Variants in SPAM1 observed in about 807,000 individuals in gnomAD.
SPAM1 encodes sperm adhesion molecule 1.
A neutral mutation model predicts 29.6 loss-of-function variants in SPAM1; 22 were observed. The observed-to-expected ratio is 0.74, with a 90% CI of 0.53 to 1.06. The LOEUF (loss-of-function observed/expected upper bound fraction) is 1.06, where lower values mean the gene tolerates loss of function less well. Among genes scored for constraint, SPAM1 ranks in the 50% least tolerant of loss-of-function variants. The pLI, the probability that SPAM1 is intolerant of heterozygous loss-of-function variation, is 0.00. For synonymous variants in SPAM1, 194 were observed against 204.6 expected (o/e 0.95, Z 0.44); for missense variants, 534 against 604.0 (o/e 0.88, Z 1.21).
chr7:123,965,908 A>G (rs571417918), intron 5 of SPAM1, among the ~76,000 whole-genome samples: 1 of 152,066 alleles, frequency 6.6e-6, no homozygotes, highest in African/African-American at 2.4e-5. Context: ...GGCCATTTTA[A>G]CAATATTGAC....
At chr7:123,942,503 A>C (rs1350387934) in intron 1 of SPAM1, among the ~76,000 whole-genome samples, 1 of 152,244 alleles carries the variant, frequency 6.6e-6, no homozygotes, top group African/African-American at 2.4e-5. Flanking sequence ...GTCTTATTAT[A>C]CTTGGCCATA....
At chr7:123,961,950 G>A (rs1169477743), downstream of SPAM1, among the ~76,000 whole-genome samples, 1 of 151,860 alleles carries the variant, frequency 6.6e-6, no homozygotes, top group East Asian at 2.0e-4. Flanking sequence ...ACAGTAGGGG[G>A]GAAATCTGTC....
chr7:123,959,840 T>C lies in SPAM1; in HGVS notation c.1401T>C (p.Ala467=), dbSNP rs1285856622. The part of the protein sequence containing the change: ...VCIADGVCID[A]FLKPPMETEE... ...TTGCTGATGGTGTCTGTATAGATGCTTTTCTAAAACCTCCCATGGAGACAG... is the reference window on the plus strand; with the variant it reads ...TTGCTGATGGTGTCTGTATAGATGCCTTTCTAAAACCTCCCATGGAGACAG... Residue 467 remains alanine, a synonymous_variant, in exon 5 of 5, where the codon GCT becomes GCC. Coordinates refer to ENST00000682466, the MANE Select transcript of SPAM1 (RefSeq NM_153189.3). The C allele has an allele frequency of 6.2e-7, 1 of 1,613,236 alleles. No individual in the cohort carries two copies. The highest frequency in any genetic ancestry group is 8.5e-7 in the Non-Finnish European group (1 of 1,179,530).
chr7:123,946,567 T>C (rs1280073520), intron 1 of SPAM1, among the ~76,000 whole-genome samples: 1 of 152,054 alleles, frequency 6.6e-6, no homozygotes, highest in Non-Finnish European at 1.5e-5. Context: ...CTCAAGTAGG[T>C]TAGGGTACAG....
chr7:123,926,449 C>T (rs1189581894), intron 1 of SPAM1, among the ~76,000 whole-genome samples: 2 of 151,932 alleles, frequency 1.3e-5, no homozygotes, highest in Non-Finnish European at 2.9e-5. Flanking sequence ...TTTGGTTTAC[C>T]AGAAATATAG....
intron 1 of SPAM1, among the ~76,000 whole-genome samples, chr7:123,947,102 T>A (rs2117048016): frequency 6.6e-6 from 1 of 152,350 alleles, no homozygotes; most frequent in Non-Finnish European, 1.5e-5. Context: ...GTTTTATCAT[T>A]TTGAAAATGT....
chr7:123,947,125 G>A (rs1223302825), intron 1 of SPAM1, among the ~76,000 whole-genome samples: 2 of 151,936 alleles, frequency 1.3e-5, no homozygotes, highest in African/African-American at 4.8e-5. Context: ...ATTTTAATTT[G>A]TTTTGTTAAT....
At chr7:123,954,572 T>C in intron 3 of SPAM1, 48 bp downstream of exon 3, 1 of 1,249,232 alleles carries the variant, frequency 8.0e-7, no homozygotes. Flanking sequence ...TCACAAAAGA[T>C]GTTGATTGAA....
rs1792475744 is a variant in SPAM1 at position 123,969,914 on chromosome 7, G to C, written c.1486-284G>C. On this transcript the variant is annotated intron_variant, in intron 5 of 6. Transcript: ENST00000340011. ...GTATATCTAATAGCTTTGATGTATG[G>C]TGAAGGCACTGAAAACTTGGAACCT... 2.6e-5 allele frequency among the ~76,000 whole-genome samples: 4 copies of C among 152,102 alleles called. No individual in the cohort carries two copies. In the South Asian group the frequency reaches 6.2e-4, roughly 24 times the overall value.
At chr7:123,960,090 A>T, downstream of SPAM1, 2 of 1,373,356 alleles carry the variant, frequency 1.5e-6, no homozygotes, top group Non-Finnish European at 1.9e-6. Flanking sequence ...CTTTCTGAAT[A>T]ACTATACCTA....
chr7:123,936,406 G>A (rs1454944373), intron 1 of SPAM1, among the ~76,000 whole-genome samples: 1 of 152,150 alleles, frequency 6.6e-6, no homozygotes, highest in Admixed American at 6.5e-5. Flanking sequence ...AGCTCCTCAT[G>A]GGGTCCCTCA....
At position 123,953,818 on chromosome 7, in the gene SPAM1, C is replaced by A; in HGVS notation, c.248C>A (p.Ala83Asp). ...TTCATAGGAAGCCCCCGAATAAACG[C>A]CACCGGGCAAGGTGTTACAATATTT... ...FSFIGSPRINATGQGVTIFYV... is the reference protein window; with the variant it reads ...FSFIGSPRINDTGQGVTIFYV... The change falls in exon 3 of 5, where the codon GCC (alanine) becomes GAC (aspartate). Residue 83 changes from alanine (A) to aspartate (D), a missense_variant. By Grantham distance (126) the Ala-to-Asp change is moderately radical. Transcript: ENST00000682466. 1.2e-6 allele frequency: 2 copies of A among 1,613,114 alleles called. No homozygotes were observed. The highest frequency in any genetic ancestry group is 1.7e-6 in the Non-Finnish European group (2 of 1,179,582).
intron 1 of SPAM1, among the ~76,000 whole-genome samples, chr7:123,933,003 A>C (rs1808132745): frequency 6.6e-6 from 1 of 152,164 alleles, no homozygotes; most frequent in Non-Finnish European, 1.5e-5. Context: ...TGACAAAAAC[A>C]TAGATTAACA....
chr7:123,953,069 T>G (rs1002846803), intron 2 of SPAM1, among the ~76,000 whole-genome samples: 6 of 152,118 alleles, frequency 3.9e-5, no homozygotes, highest in Admixed American at 3.9e-4. Context: ...AATGGGATTT[T>G]GCTAAGGCAT....
At chr7:123,951,768 C>T (rs1049604877) in intron 2 of SPAM1, among the ~76,000 whole-genome samples, 1 of 152,038 alleles carries the variant, frequency 6.6e-6, no homozygotes, top group Admixed American at 6.6e-5. Context: ...ATTACAGAAG[C>T]CTACCACCAT....
chr7:123,955,021 G>A lies in SPAM1; in HGVS notation c.979G>A (p.Glu327Lys), dbSNP rs781017782. ...SQDELVYTFG[E>K]TVALGASGIV... is the part of the protein sequence containing the mutation. ...GGATGAACTTGTGTATACATTTGGC[G>A]AAACTGTTGCTCTGGGTGCTTCTGG... The change falls in exon 4 of 5, where the codon GAA (glutamate) becomes AAA (lysine). Residue 327 changes from glutamate (E) to lysine (K), a missense_variant. Physicochemically the swap from Glu to Lys is moderately conservative, Grantham distance 56. Transcript: ENST00000682466. 1.4e-5 allele frequency: 22 copies of A among 1,611,248 alleles called. No individual in the cohort carries two copies. The highest frequency in any genetic ancestry group is 2.2e-5 in the South Asian group (2 of 91,004).
At chr7:123,960,451 G>A (rs1035900350), downstream of SPAM1, among the ~76,000 whole-genome samples, 2 of 151,688 alleles carry the variant, frequency 1.3e-5, no homozygotes, top group Non-Finnish European at 2.9e-5. Context: ...GAAAAAGTTT[G>A]GGTGGAAAAG....
downstream of SPAM1, among the ~76,000 whole-genome samples, chr7:123,960,670 C>T (rs565578961): frequency 2.6e-5 from 4 of 152,006 alleles, no homozygotes; most frequent in African/African-American, 9.6e-5. Context: ...CCGCCTCCTT[C>T]CTTTCCCCAT....
intron 2 of SPAM1, among the ~76,000 whole-genome samples, chr7:123,953,077 C>T (rs1792151776): frequency 6.6e-6 from 1 of 152,046 alleles, no homozygotes. Context: ...TTTGCTAAGG[C>T]ATTGCTTGGT....
Sources: allele counts gnomAD v4.1 joint callset (sites outside exome capture counted in the v4.1 genomes callset), GRCh38; gene constraint gnomAD v4.1.1; transcripts MANE v1.5; gene names NCBI Gene and HGNC (gene_info 2026-07-23, HGNC 2026-07-21).